The following CLEC9A variants were observed in gnomAD, a reference collection of about 807,000 sequenced individuals.
CLEC9A encodes the protein C-type lectin domain family 9 member A.
In CLEC9A, 24 loss-of-function variants were observed where a neutral mutation model predicts 30.0. The observed-to-expected ratio is 0.80, with a 90% confidence interval of 0.58 to 1.13. The LOEUF is 1.13. Among genes scored for constraint, CLEC9A ranks in the 50% most tolerant of loss-of-function variants. The pLI is 0.00. For synonymous variants in CLEC9A, 111 were observed against 96.8 expected, an observed-to-expected ratio of 1.15 and a Z score of -0.86; for missense variants, 251 against 280.9, an observed-to-expected ratio of 0.89 and a Z score of 0.76.
intron 2 of CLEC9A, among the ~76,000 whole-genome samples, chr12:10,048,234 C>T (rs1299473222): frequency 1.5e-5 from 2 of 132,520 alleles, no homozygotes; most frequent in South Asian, 2.7e-4. Flanking sequence ...AGCGAGACTC[C>T]GTCTCAAAAA....
At chr12:10,046,829 A>G (rs1040747241) in intron 2 of CLEC9A, among the ~76,000 whole-genome samples, 2 of 152,154 alleles carry the variant, frequency 1.3e-5, no homozygotes, top group African/African-American at 2.4e-5. Flanking sequence ...AAATATCACT[A>G]CTTTAGAACT....
At chr12:10,048,882 A>G (rs1259377561) in intron 2 of CLEC9A, among the ~76,000 whole-genome samples, 1 of 152,256 alleles carries the variant, frequency 6.6e-6, no homozygotes, top group East Asian at 1.9e-4. Flanking sequence ...TCTCAGTGAC[A>G]TCTAGAATAG....
chr12:10,042,272 G>A (rs897282651), intron 2 of CLEC9A, among the ~76,000 whole-genome samples: 1 of 152,200 alleles, frequency 6.6e-6, no homozygotes. Context: ...GTAAGAGTAA[G>A]GTTACTAGTG....
intron 2 of CLEC9A, among the ~76,000 whole-genome samples, chr12:10,042,993 C>A (rs978898778): frequency 1.3e-5 from 2 of 152,138 alleles, no homozygotes; most frequent in Non-Finnish European, 2.9e-5. Flanking sequence ...ATTAGAATTT[C>A]AGCTATTTTG....
In CLEC9A at chr12:10,061,121, G is replaced by T; in HGVS notation, c.173-6G>T. 1 of 1,607,946 alleles carries T rather than the reference G, an allele frequency of 6.2e-7. No individual in the cohort carries two copies. The highest frequency in any genetic ancestry group is 8.5e-7 in the Non-Finnish European group (1 of 1,177,946). ...TTTTATTAGGAATGATTGCTATCATGTGAAGTGTTGCAGGTGTCCACCATT... is the reference window on the plus strand; with the variant it reads ...TTTTATTAGGAATGATTGCTATCATTTGAAGTGTTGCAGGTGTCCACCATT... On this transcript the variant is annotated splice_polypyrimidine_tract_variant and splice_region_variant and intron_variant, in intron 5 of 8. Transcript: ENST00000355819.
intron 2 of CLEC9A, chr12:10,045,601 G>T: frequency 3.6e-6 from 1 of 279,812 alleles, no homozygotes; most frequent in Admixed American, 3.4e-5. Context: ...AGGAAAGCTG[G>T]CATGGCCAAG....
chr12:10,059,239 T>G (rs1365346039), intron 5 of CLEC9A, among the ~76,000 whole-genome samples: 3 of 152,074 alleles, frequency 2.0e-5, no homozygotes, highest in Admixed American at 6.6e-5. Flanking sequence ...CAATAAAGAA[T>G]CCAGAAACAG....
intron 2 of CLEC9A, among the ~76,000 whole-genome samples, chr12:10,050,909 A>C (rs1865887538): frequency 6.6e-6 from 1 of 152,196 alleles, no homozygotes; most frequent in African/African-American, 2.4e-5. Flanking sequence ...ATCATATAAA[A>C]TATTGAAGAA....
intron 8 of CLEC9A, among the ~76,000 whole-genome samples, chr12:10,065,061 TA>T (rs1866031465): frequency 6.6e-6 from 1 of 152,232 alleles, no homozygotes; most frequent in Non-Finnish European, 1.5e-5. Flanking sequence ...TATTATCTTA[TA>T]GAAAATTCAC....
At chr12:10,045,542 GA>G in intron 2 of CLEC9A, 2 of 275,762 alleles carry the variant, frequency 7.3e-6, no homozygotes, top group Non-Finnish European at 8.0e-6. Flanking sequence ...TTCATAATCA[GA>G]AAAGGCACTC....
chr12:10,057,982 C>T (rs749048461), intron 5 of CLEC9A, among the ~76,000 whole-genome samples: 16 of 151,914 alleles, frequency 1.1e-4, no homozygotes, highest in South Asian at 2.1e-4. Flanking sequence ...ATTTGGGGGA[C>T]GTTAAAAGTA....
In CLEC9A at chr12:10,041,544, T is replaced by G; in HGVS notation, c.-239T>G. 2.0e-6 allele frequency: 1 copy of G among 503,336 alleles called. No homozygotes were observed. Among genetic ancestry groups the G allele is most frequent in the Non-Finnish European group, 4.0e-6 (1 of 250,814 alleles). The allele number at this position is 503,336 out of a possible 1,614,324, so 31.2% of individuals were successfully genotyped here. The stretch of plus-strand genomic sequence containing the variant: ...TGCTATGGGTTCTTCAAACACAACT[T>G]GACATGGAAAGAGAGTGAGCAGTAC... On this transcript the variant is annotated 5_prime_UTR_variant, in exon 2 of 9. The change abolishes the stop of an existing upstream ORF in the 5' untranslated region. Coordinates refer to ENST00000355819, the MANE Select transcript of CLEC9A (RefSeq NM_207345.4).
chr12:10,052,427 A>G, intron 3 of CLEC9A: 1 of 1,009,810 alleles, frequency 9.9e-7, no homozygotes, highest in Non-Finnish European at 1.2e-6. Flanking sequence ...CCGGATAAAA[A>G]AATGTTCTAT....
chr12:10,036,970 G>A (rs1388020941), intron 1 of CLEC9A, among the ~76,000 whole-genome samples: 1 of 152,150 alleles, frequency 6.6e-6, no homozygotes, highest in Non-Finnish European at 1.5e-5. Flanking sequence ...ATTCTTAGAA[G>A]CTGCGTAGAA....
At chr12:10,061,385 TAA>T (rs1486216369) in intron 6 of CLEC9A, 112 bp downstream of exon 6, 4 of 1,115,080 alleles carry the variant, frequency 3.6e-6, no homozygotes, top group Non-Finnish European at 1.2e-6. Flanking sequence ...GATTTTATAA[TAA>T]GAGTGACATA....
chr12:10,063,899 G>A (rs768848875), intron 7 of CLEC9A, among the ~76,000 whole-genome samples: 1 of 151,924 alleles, frequency 6.6e-6, no homozygotes, highest in African/African-American at 2.4e-5. Context: ...TTCCAGCTAC[G>A]TGGGAGGCTG....
intron 2 of CLEC9A, among the ~76,000 whole-genome samples, chr12:10,050,172 A>G (rs566695251): frequency 6.6e-6 from 1 of 152,242 alleles, no homozygotes; most frequent in Non-Finnish European, 1.5e-5. Context: ...TAAGTTAACC[A>G]TCTTATATGG....
chr12:10,050,073 G>A (rs1865879738), intron 2 of CLEC9A, among the ~76,000 whole-genome samples: 1 of 152,128 alleles, frequency 6.6e-6, no homozygotes, highest in Non-Finnish European at 1.5e-5. Context: ...GGGAATATAA[G>A]GAGGCTCAAG....
chr12:10,048,258 G>T (rs1236475865), intron 2 of CLEC9A, among the ~76,000 whole-genome samples: 1 of 145,292 alleles, frequency 6.9e-6, no homozygotes, highest in Non-Finnish European at 1.5e-5. Flanking sequence ...AAAAAAATTA[G>T]CTGGGCGTGG....
Sources: gnomAD v4.1 joint callset for allele counts (sites outside exome capture counted in the v4.1 genomes callset) on GRCh38, gnomAD v4.1.1 for gene constraint, MANE v1.5 for transcripts, NCBI Gene and HGNC (gene_info 2026-07-23, HGNC 2026-07-21) for gene names.